The following PCM1 variants were observed in gnomAD, a reference collection of about 807,000 sequenced individuals.
PCM1 encodes the protein pericentriolar material 1 protein.
In PCM1, 157 loss-of-function variants were observed where a neutral mutation model predicts 241.9. The ratio of observed to expected loss-of-function variants is 0.65; its 90% CI spans 0.57 to 0.74. The LOEUF (loss-of-function observed/expected upper bound fraction) is 0.74, where lower values mean the gene tolerates loss of function less well. Ranked by LOEUF, PCM1 falls within the 30% of genes least tolerant of loss-of-function variation. PCM1 has a pLI of 0.00. For synonymous variants in PCM1, 1,085 were observed against 784.9 expected, an observed-to-expected ratio of 1.38 and a Z score of -6.39; for missense variants, 3,478 against 2,360.1, an observed-to-expected ratio of 1.47 and a Z score of -9.81.
Position 17,980,659 on chromosome 8 carries a change from A to G in PCM1, c.4012A>G (p.Thr1338Ala). The G allele has an allele frequency of 1.2e-6, 2 of 1,613,368 alleles. No individual in the cohort carries two copies. The highest frequency in any genetic ancestry group is 1.7e-6 in the Non-Finnish European group (2 of 1,179,496). The change falls in exon 24 of 39, where the codon ACT (threonine) becomes GCT (alanine). Residue 1338 changes from threonine to alanine, a missense_variant. Transcript: ENST00000325083. ...CKSRNRHSAQ[T>A]EEPVQAKVFS... ...AAGTAGGAACAGACATTCAGCCCAG[A>G]CTGAAGAGCCTGTTCAAGCAAAAGT... is the stretch of plus-strand genomic sequence containing the variant.
chr8:17,957,527 A>G lies in PCM1; in HGVS notation c.1805-13A>G, dbSNP rs762449938. ...TAAAAGTTACTGGTTTTAATTATAC[A>G]TGTTTTCAGCAGATTGTCGATATAA... On this transcript the variant is annotated splice_polypyrimidine_tract_variant and intron_variant, in intron 12 of 38. Coordinates refer to ENST00000325083, the MANE Select transcript of PCM1 (RefSeq NM_006197.4). 12 of 1,599,232 alleles carry G rather than the reference A, an allele frequency of 7.5e-6. No homozygotes were observed. The highest frequency in any genetic ancestry group is 3.3e-4 in the Middle Eastern group (2 of 6,048).
chr8:17,924,741 A>C lies in PCM1; in HGVS notation c.-62A>C, dbSNP rs1170564616. The C allele has an allele frequency of 6.6e-6, 1 of 152,202 alleles. No individual in the cohort carries two copies. Among genetic ancestry groups the C allele is most frequent in the Non-Finnish European group, 1.5e-5 (1 of 68,042 alleles). 9.4% of individuals were successfully genotyped at this position (152,202 alleles called of 1,614,324 possible). ...ACAGCTTTGAAGTGTGGAGCGGGAA[A>C]GGAGCAGTTTCTGAGCTGCAAAAAC... On this transcript the variant is annotated 5_prime_UTR_variant, in exon 2 of 39. Transcript: ENST00000325083.
chr8:17,959,343 C>T (rs967491669), intron 13 of PCM1, among the ~76,000 whole-genome samples: 67 of 7,524 alleles, frequency 8.9e-3, no homozygotes, highest in Admixed American at 0.024. Flanking sequence ...ACACACAGTA[C>T]ATAGTTATTT....
chr8:17,943,937 T>C (rs2062993655), intron 6 of PCM1, among the ~76,000 whole-genome samples: 1 of 152,172 alleles, frequency 6.6e-6, no homozygotes, highest in African/African-American at 2.4e-5. Flanking sequence ...ATGATTGATA[T>C]TCTAGAGCTG....
chr8:17,940,153 A>G (rs1280662872), intron 6 of PCM1: 2 of 1,518,522 alleles, frequency 1.3e-6, no homozygotes, highest in East Asian at 4.7e-5. Flanking sequence ...GGCTTCAGAT[A>G]CCACGGTAAG....
intron 36 of PCM1, among the ~76,000 whole-genome samples, chr8:18,019,363 T>A (rs748206002): frequency 2.0e-5 from 3 of 152,228 alleles, no homozygotes; most frequent in Non-Finnish European, 4.4e-5. Flanking sequence ...ACTGGTTTCA[T>A]GGAAGACAAT....
In PCM1 at chr8:17,999,584, A is replaced by G. The variant is rs544991988; in HGVS notation, c.4827+5965A>G. Among the ~76,000 whole-genome samples, 17 of 152,016 alleles carry G rather than the reference A, an allele frequency of 1.1e-4. No homozygotes were observed. In the South Asian group the frequency reaches 2.3e-3, roughly 20 times the overall value. On this transcript the variant is annotated intron_variant, in intron 29 of 38. Coordinates refer to ENST00000325083, the MANE Select transcript of PCM1 (RefSeq NM_006197.4). ...CCTTGCTCTCGTCTCCTCAAGCAGA[A>G]GGAGTCACTTGCATTGCTGCAGTCA...
intron 6 of PCM1, among the ~76,000 whole-genome samples, chr8:17,941,502 G>C (rs993883790): frequency 6.0e-5 from 9 of 150,570 alleles, no homozygotes; most frequent in African/African-American, 2.2e-4. Flanking sequence ...ACTGCTGCTT[G>C]GAGGGGGATG....
At chr8:18,025,247 A>G (rs2094107189) in intron 36 of PCM1, 114 bp from the exon 37 acceptor site, 1 of 610,960 alleles carries the variant, frequency 1.6e-6, no homozygotes, top group African/African-American at 1.9e-5. Flanking sequence ...ATAGAGCTGA[A>G]TGTAGAAGAA....
At chr8:17,984,981 C>G (rs1483398831) in intron 24 of PCM1, among the ~76,000 whole-genome samples, 2 of 151,826 alleles carry the variant, frequency 1.3e-5, no homozygotes, top group African/African-American at 2.4e-5. Context: ...CTGGATAGAC[C>G]TTAATCTAGT....
Position 17,973,912 on chromosome 8 carries a change from T to G in PCM1, c.3943+1225T>G, listed in dbSNP as rs1429080914. On this transcript the variant is annotated intron_variant, in intron 23 of 38. Coordinates refer to ENST00000325083, the MANE Select transcript of PCM1 (RefSeq NM_006197.4). ...TTGGCAACCTTCATCTTAATCACTT[T>G]TGGATAATGAAACCTTAGAAAAATC... Among the ~76,000 whole-genome samples, 3 of 152,266 alleles carry G rather than the reference T, an allele frequency of 2.0e-5. No individual in the cohort carries two copies. The South Asian group carries it at 6.2e-4, about 32-fold the overall frequency.
intron 27 of PCM1, among the ~76,000 whole-genome samples, chr8:17,990,793 G>A (rs192033366): frequency 6.6e-6 from 1 of 152,202 alleles, no homozygotes; most frequent in African/African-American, 2.4e-5. Flanking sequence ...ATAAAGAAAA[G>A]GACTTAGCCT....
intron 1 of PCM1, among the ~76,000 whole-genome samples, chr8:17,924,478 T>A (rs1282370543): frequency 6.6e-6 from 1 of 152,240 alleles, no homozygotes; most frequent in Non-Finnish European, 1.5e-5. Flanking sequence ...GAAATAGATA[T>A]CACTTTGCTG....
chr8:17,972,750 T>C (rs1051996036), intron 23 of PCM1, 63 bp downstream of exon 23: 10 of 971,282 alleles, frequency 1.0e-5, no homozygotes, highest in Non-Finnish European at 3.0e-6. Flanking sequence ...CTTTGACATG[T>C]TGACATAGAT....
intron 2 of PCM1, among the ~76,000 whole-genome samples, chr8:17,933,422 C>T (rs1243993775): frequency 6.6e-6 from 1 of 152,036 alleles, no homozygotes; most frequent in Admixed American, 6.6e-5. Context: ...GTTTATTCTT[C>T]CAGATAAATT....
intron 13 of PCM1, among the ~76,000 whole-genome samples, chr8:17,958,487 A>C (rs2069832626): frequency 6.6e-6 from 1 of 152,148 alleles, no homozygotes; most frequent in Non-Finnish European, 1.5e-5. Context: ...ATTAACACAA[A>C]ATATGCCTAC....
chr8:18,011,353 T>TCCAGTGTCTATTAGTAAGTTTA lies in PCM1; in HGVS notation c.5338_5350+9dup, dbSNP rs1425135466. The stretch of plus-strand genomic sequence containing the variant: ...AGGAAGATGAAGAAAGTGAAGGATG[T>TCCAGTGTCTATTAGTAAGTTTA]CCAGTGTCTATTAGTAAGTTTAAAG... On this transcript the variant is annotated frameshift_variant, in exon 33 of 39. Coordinates refer to ENST00000325083, the MANE Select transcript of PCM1 (RefSeq NM_006197.4). LOFTEE classifies it high-confidence loss of function. 3 of 1,596,582 alleles carry TCCAGTGTCTATTAGTAAGTTTA rather than the reference T, an allele frequency of 1.9e-6. No individual in the cohort carries two copies. The highest frequency in any genetic ancestry group is 1.7e-6 in the Non-Finnish European group (2 of 1,173,812).
At chr8:17,969,884 T>C in intron 22 of PCM1, 136 bp downstream of exon 22, 4 of 665,396 alleles carry the variant, frequency 6.0e-6, no homozygotes, top group Non-Finnish European at 1.0e-5. Context: ...TATGAAACTT[T>C]GACGTATCAG....
At chr8:17,930,830 A>G (rs867520011) in intron 2 of PCM1, among the ~76,000 whole-genome samples, 21 of 152,118 alleles carry the variant, frequency 1.4e-4, no homozygotes, top group African/African-American at 4.3e-4. Flanking sequence ...TAGTGAGCCC[A>G]GATGGCGCCA....
Sources: gnomAD v4.1 joint callset for allele counts (sites outside exome capture counted in the v4.1 genomes callset) on GRCh38, gnomAD v4.1.1 for gene constraint, MANE v1.5 for transcripts, NCBI Gene and HGNC (gene_info 2026-07-23, HGNC 2026-07-21) for gene names.